CHD1: variants seen among roughly 807,000 people sequenced by gnomAD.
The protein encoded by CHD1 is ATP-dependent chromatin remodeler CHD1.
CHD1 carries 36 observed loss-of-function variants against 224.2 expected under a neutral mutation model. The observed-to-expected ratio is 0.16, with a 90% CI of 0.12 to 0.21. The LOEUF (loss-of-function observed/expected upper bound fraction) is 0.21. CHD1 is among the 10% of genes least tolerant of loss of function. The pLI, the probability that CHD1 is intolerant of heterozygous loss-of-function variation, is 1.00. For synonymous variants in CHD1, 668 were observed against 658.3 expected, an observed-to-expected ratio of 1.01 and a Z score of -0.23; for missense variants, 1,378 against 1,994.8, an observed-to-expected ratio of 0.69 and a Z score of 5.89.
In CHD1 at chr5:98,889,069, T is replaced by G. The variant is rs781731930; in HGVS notation, c.2343+7A>C. Reference sequence around the variant, plus strand: ...ATCACAAAGAAACAACATTTAAAAATTCTTACTTGTAAGGCCTCCTGTTTA... The same window carrying G: ...ATCACAAAGAAACAACATTTAAAAAGTCTTACTTGTAAGGCCTCCTGTTTA... On this transcript the variant is annotated splice_region_variant and intron_variant, in intron 16 of 35. Coordinates refer to ENST00000614616, the MANE Select transcript of CHD1 (RefSeq NM_001270.4). The G allele has an allele frequency of 2.9e-5, 45 of 1,542,368 alleles. No homozygotes were observed. The highest frequency in any genetic ancestry group is 3.8e-5 in the Admixed American group (2 of 53,256).
chr5:98,881,824 G>A, intron 20 of CHD1, 151 bp downstream of exon 20: 3 of 601,174 alleles, frequency 5.0e-6, no homozygotes, highest in Non-Finnish European at 8.2e-6. Context: ...TTTGAAGTAT[G>A]TCTTCTAACT....
chr5:98,911,415 T>G (rs1752415157), intron 2 of CHD1, among the ~76,000 whole-genome samples: 1 of 151,892 alleles, frequency 6.6e-6, no homozygotes, highest in South Asian at 2.1e-4. Flanking sequence ...AAACCATAAT[T>G]ATGCAATCAT....
chr5:98,864,451 G>A (rs1213399742), intron 31 of CHD1, among the ~76,000 whole-genome samples: 1 of 149,990 alleles, frequency 6.7e-6, no homozygotes, highest in South Asian at 2.1e-4. Flanking sequence ...AGGCTGAGGC[G>A]GGAGGATCAC....
At chr5:98,869,547 T>C in intron 30 of CHD1, 1 of 550,972 alleles carries the variant, frequency 1.8e-6, no homozygotes, top group Non-Finnish European at 3.1e-6. Flanking sequence ...TGCTATATAA[T>C]ATCTACTGGA....
chr5:98,907,667 T>TG (rs778739673), intron 2 of CHD1, among the ~76,000 whole-genome samples: 15 of 151,586 alleles, frequency 9.9e-5, no homozygotes, highest in Non-Finnish European at 1.8e-4. Flanking sequence ...ACAGTTTAAG[T>TG]GAAAAAAAGA....
At chr5:98,880,465 A>G (rs946314978) in intron 22 of CHD1, among the ~76,000 whole-genome samples, 2 of 152,214 alleles carry the variant, frequency 1.3e-5, no homozygotes, top group African/African-American at 4.8e-5. Context: ...ATATTTGTCA[A>G]ATGAACACAT....
At chr5:98,908,063 T>C (rs1392588224) in intron 2 of CHD1, among the ~76,000 whole-genome samples, 9 of 152,202 alleles carry the variant, frequency 5.9e-5, no homozygotes, top group Non-Finnish European at 1.0e-4. Flanking sequence ...TTCTTTTTTG[T>C]CTTCTGTTCT....
At chr5:98,884,196 C>T (rs1283570050) in intron 18 of CHD1, among the ~76,000 whole-genome samples, 1 of 151,610 alleles carries the variant, frequency 6.6e-6, no homozygotes, top group African/African-American at 2.4e-5. Context: ...GCTTCAGCCT[C>T]CCGAGTAGCT....
Position 98,862,219 on chromosome 5 carries a change from A to T in CHD1, c.4427+1189T>A, listed in dbSNP as rs1055930107. Among the ~76,000 whole-genome samples the T allele has an allele frequency of 5.9e-5, 9 of 152,182 alleles. No homozygotes were observed. In the South Asian group the frequency reaches 1.5e-3, roughly 25 times the overall value. Reference sequence around the variant, plus strand: ...AGCAAAAGCTATTTTGCTTTATGGGATATTTCCCTCTTTCCTTCCCCATCT... The same window carrying T: ...AGCAAAAGCTATTTTGCTTTATGGGTTATTTCCCTCTTTCCTTCCCCATCT... On this transcript the variant is annotated intron_variant, in intron 32 of 35. Coordinates refer to ENST00000614616, the MANE Select transcript of CHD1 (RefSeq NM_001270.4).
chr5:98,869,952 T>C (rs1749210697), intron 29 of CHD1, 70 bp from the exon 30 acceptor site: 2 of 1,195,030 alleles, frequency 1.7e-6, no homozygotes, highest in Admixed American at 4.3e-5. Context: ...AAACATTAAA[T>C]CCAAGGGCTA....
At chr5:98,894,812 A>G (rs1751241767) in intron 12 of CHD1, 126 bp from the exon 13 acceptor site, 2 of 477,052 alleles carry the variant, frequency 4.2e-6, no homozygotes, top group Non-Finnish European at 7.8e-6. Flanking sequence ...TTATGTAATA[A>G]AAGAGTTTTT....
rs1163648177 is a variant in CHD1, at chr5:98,856,367, G to T, written c.*13C>A. ...TAAAAGAAAAGTCCAGAAAGACGAA[G>T]TATCAGTTTTTGTTATGTTTTCCGA... On this transcript the variant is annotated 3_prime_UTR_variant, in exon 36 of 36. Transcript: ENST00000614616. The T allele has an allele frequency of 6.3e-7, 1 of 1,589,116 alleles. No homozygotes were observed. Among genetic ancestry groups the T allele is most frequent in the East Asian group, 2.2e-5 (1 of 44,556 alleles).
intron 7 of CHD1, among the ~76,000 whole-genome samples, chr5:98,900,099 G>A (rs530205293): frequency 1.1e-4 from 17 of 151,978 alleles, no homozygotes; most frequent in African/African-American, 3.6e-4. Context: ...TGGCTAACAC[G>A]GTGAAACCCC....
intron 2 of CHD1, among the ~76,000 whole-genome samples, chr5:98,911,149 ATAT>A (rs1561540051): frequency 1.1e-3 from 82 of 77,850 alleles, no homozygotes; most frequent in South Asian, 7.5e-3. Flanking sequence ...AAAAAAAAAT[ATAT>A]ATATATATAT....
intron 18 of CHD1, 22 bp downstream of exon 18, chr5:98,885,556 T>G: frequency 7.0e-7 from 1 of 1,431,878 alleles, no homozygotes; most frequent in Non-Finnish European, 9.7e-7. Context: ...TTATTTATAA[T>G]TTTAAAAGCA....
rs768256433 is a variant in CHD1, at chr5:98,879,628, C to A, written c.3161G>T (p.Arg1054Leu). ...EEIIPEDQRR[R>L]LEEEERQKEL... ...CTTTTGTCTTTCTTCTTCTTCTAAT[C>A]GTCTTCTTTGATCTTCTGGAATAAT... The change falls in exon 23 of 36, where the codon CGA becomes CTA. Residue 1054 changes from arginine (R) to leucine (L), a missense_variant. By Grantham distance (102) the Arg-to-Leu change is moderately radical. Coordinates refer to ENST00000614616, the MANE Select transcript of CHD1 (RefSeq NM_001270.4). The A allele has an allele frequency of 1.2e-6, 2 of 1,608,514 alleles. No individual in the cohort carries two copies. The highest frequency in any genetic ancestry group is 1.7e-5 in the Admixed American group (1 of 59,402).
intron 1 of CHD1, among the ~76,000 whole-genome samples, chr5:98,927,708 T>A (rs1399048329): frequency 1.3e-5 from 2 of 152,140 alleles, no homozygotes; most frequent in Non-Finnish European, 2.9e-5. Flanking sequence ...ACAAACTGCC[T>A]TTCCCGTTTC....
chr5:98,891,097 G>A (rs1750992963), intron 15 of CHD1, among the ~76,000 whole-genome samples: 1 of 152,082 alleles, frequency 6.6e-6, no homozygotes, highest in South Asian at 2.1e-4. Flanking sequence ...TACTTAAGAT[G>A]GGGTCTCACT....
At chr5:98,926,176 G>A (rs551269730) in intron 2 of CHD1, among the ~76,000 whole-genome samples, 158 bp downstream of exon 2, 8 of 152,100 alleles carry the variant, frequency 5.3e-5, no homozygotes, top group South Asian at 2.1e-4. Flanking sequence ...AAAAAGGTTC[G>A]TATATCAGAA....
Sources: allele counts gnomAD v4.1 joint callset (sites outside exome capture counted in the v4.1 genomes callset), GRCh38; gene constraint gnomAD v4.1.1; transcripts MANE v1.5; gene names NCBI Gene and HGNC (gene_info 2026-07-23, HGNC 2026-07-21).